Variants in CGGBP1 observed in about 807,000 individuals in gnomAD.
The protein encoded by CGGBP1 is CGG triplet repeat-binding protein 1.
A neutral mutation model predicts 11.4 loss-of-function variants in CGGBP1; 4 were observed. That is an observed-to-expected ratio of 0.35 (90% CI 0.17 to 0.80). The LOEUF (loss-of-function observed/expected upper bound fraction) is 0.80, where lower values mean the gene tolerates loss of function less well. CGGBP1 is among the 30% of genes least tolerant of loss of function. CGGBP1 has a pLI of 0.52. For synonymous variants in CGGBP1, 76 were observed against 74.1 expected (o/e 1.03, Z -0.13); for missense variants, 135 against 202.1 (o/e 0.67, Z 2.01).
chr3:88,138,854 A>C (rs1559735720), intron 2 of CGGBP1: 2 of 1,231,980 alleles, frequency 1.6e-6, no homozygotes, highest in African/African-American at 3.1e-5. Context: ...GGATTTGTGC[A>C]CTCTCAATAT....
intron 2 of CGGBP1, among the ~76,000 whole-genome samples, chr3:88,107,828 C>T (rs976391181): frequency 6.6e-6 from 1 of 151,948 alleles, no homozygotes; most frequent in South Asian, 2.1e-4. Flanking sequence ...ATAATTTTAT[C>T]TTGTTCTTTA....
In CGGBP1 at chr3:88,055,302, A is replaced by G. The variant is rs555127614; in HGVS notation, c.*171T>C. Reference sequence around the variant, plus strand: ...ATACCATTGGTGACTAAAATTAACAATAAGTTTTGCAGTGAGGTGGTTTTT... The same window carrying G: ...ATACCATTGGTGACTAAAATTAACAGTAAGTTTTGCAGTGAGGTGGTTTTT... On this transcript the variant is annotated 3_prime_UTR_variant, in exon 4 of 4. Transcript: ENST00000482016. The surrounding 1 kb of genome is among the most constrained non-coding windows in gnomAD (Gnocchi z 4.2). 152 of 536,974 alleles carry G rather than the reference A, an allele frequency of 2.8e-4. No homozygotes were observed. The South Asian group carries it at 3.4e-3, about 12-fold the overall frequency. 33.3% of individuals were successfully genotyped at this position (536,974 alleles called of 1,614,324 possible).
At chr3:88,106,844 C>T (rs1307500186) in intron 2 of CGGBP1, among the ~76,000 whole-genome samples, 2 of 152,040 alleles carry the variant, frequency 1.3e-5, no homozygotes, top group East Asian at 3.9e-4. Flanking sequence ...TAATTTTTAA[C>T]ATTTGGCTGT....
intron 2 of CGGBP1, among the ~76,000 whole-genome samples, chr3:88,090,472 A>ATG (rs1167013138): frequency 6.6e-6 from 1 of 152,194 alleles, no homozygotes; most frequent in Non-Finnish European, 1.5e-5. Flanking sequence ...AGCTGTACAA[A>ATG]TGTGTTTGTG....
chr3:88,139,233 G>C, intron 2 of CGGBP1: 2 of 1,502,576 alleles, frequency 1.3e-6, no homozygotes, highest in South Asian at 2.8e-5. Context: ...GCAGCCTAAA[G>C]GTCATATTAA....
Position 88,055,710 on chromosome 3 carries a change from A to G in CGGBP1, c.267T>C (p.Ser89=), listed in dbSNP as rs757831800. Residue 89 remains serine (S), a synonymous_variant, in exon 4 of 4, where the codon TCT becomes TCC. Coordinates refer to ENST00000482016, the MANE Select transcript of CGGBP1 (RefSeq NM_001008390.2). The surrounding 1 kb of genome is among the most constrained non-coding windows in gnomAD (Gnocchi z 4.2). The part of the protein sequence containing the change: ...VRKKQRPLTA[S]LQCNSTAQTE... ...TTTGCGCAGTACTGTTGCACTGAAG[A>G]GATGCAGTTAGGGGCCTCTGCTTCT... 11 of 1,614,074 alleles carry G rather than the reference A, an allele frequency of 6.8e-6. No individual in the cohort carries two copies. In the African/African-American group the frequency reaches 1.2e-4, roughly 18 times the overall value.
At chr3:88,113,201 A>G (rs1705196907) in intron 2 of CGGBP1, 2 of 1,522,634 alleles carry the variant, frequency 1.3e-6, no homozygotes, top group Non-Finnish European at 1.8e-6. Context: ...TTCCAGGTAA[A>G]AAACAGTTTA....
At chr3:88,108,641 A>G (rs1322514083) in intron 2 of CGGBP1, among the ~76,000 whole-genome samples, 3 of 152,176 alleles carry the variant, frequency 2.0e-5, no homozygotes, top group Non-Finnish European at 1.5e-5. Context: ...CTACCTGCCC[A>G]TTAGTCATTT....
At chr3:88,135,272 G>A (rs1451126318) in intron 2 of CGGBP1, 1 of 1,229,168 alleles carries the variant, frequency 8.1e-7, no homozygotes, top group Non-Finnish European at 1.1e-6. Flanking sequence ...AATCTCTTTT[G>A]ATAAAATTTA....
intron 2 of CGGBP1, among the ~76,000 whole-genome samples, chr3:88,067,886 C>CTT (rs76481798): frequency 7.2e-6 from 1 of 139,628 alleles, no homozygotes; most frequent in Non-Finnish European, 1.6e-5. Flanking sequence ...TCTTTTCTTT[C>CTT]TTTTTTTTTT....
At chr3:88,115,948 A>G (rs1249641951) in intron 2 of CGGBP1, among the ~76,000 whole-genome samples, 4 of 152,318 alleles carry the variant, frequency 2.6e-5, no homozygotes, top group East Asian at 3.9e-4. Context: ...AGATTGACAG[A>G]TGGGCCAAAC....
chr3:88,065,818 C>G (rs562157709), intron 2 of CGGBP1, among the ~76,000 whole-genome samples: 1 of 152,086 alleles, frequency 6.6e-6, no homozygotes, highest in African/African-American at 2.4e-5. Flanking sequence ...CCTCCCTGTC[C>G]GGGGCTAAAG....
chr3:88,064,353 A>G (rs114301964), intron 2 of CGGBP1, among the ~76,000 whole-genome samples: 85 of 152,222 alleles, frequency 5.6e-4, no homozygotes, highest in African/African-American at 1.8e-3. Flanking sequence ...CATGTTCACT[A>G]TGTACACTTT....
chr3:88,061,862 A>G (rs1251548143), upstream of CGGBP1, among the ~76,000 whole-genome samples: 9 of 152,186 alleles, frequency 5.9e-5, no homozygotes, highest in East Asian at 1.7e-3. Flanking sequence ...CAGTTGGGGT[A>G]TGTGACAGTT....
chr3:88,105,139 A>C (rs1475229285), intron 2 of CGGBP1, among the ~76,000 whole-genome samples: 2 of 152,232 alleles, frequency 1.3e-5, no homozygotes, highest in Non-Finnish European at 2.9e-5. Context: ...ACTCCATCTC[A>C]GAAAACAAAC....
At chr3:88,145,487 T>C (rs533490419) in intron 1 of CGGBP1, among the ~76,000 whole-genome samples, 2 of 152,254 alleles carry the variant, frequency 1.3e-5, no homozygotes, top group South Asian at 4.1e-4. Context: ...AAATAATGAA[T>C]GTAGTGAGGT....
intron 2 of CGGBP1, 100 bp from the exon 3 acceptor site, chr3:88,057,392 G>C (rs1213192478): frequency 6.6e-6 from 1 of 150,730 alleles, no homozygotes; most frequent in Non-Finnish European, 1.5e-5. Context: ...TATTGTGTTA[G>C]GCTACAGGTT....
intron 2 of CGGBP1, among the ~76,000 whole-genome samples, chr3:88,066,037 G>T (rs1707179487): frequency 6.6e-6 from 1 of 152,200 alleles, no homozygotes; most frequent in African/African-American, 2.4e-5. Context: ...CCTAGCCCTA[G>T]ATTGGTTATT....
chr3:88,129,363 T>TCTTGC (rs916786956), intron 2 of CGGBP1, among the ~76,000 whole-genome samples: 5 of 146,658 alleles, frequency 3.4e-5, no homozygotes, highest in African/African-American at 1.3e-4. Context: ...AGCATTATGA[T>TCTTGC]CTTGCCTTGA....
Sources: gnomAD v4.1 joint callset for allele counts (sites outside exome capture counted in the v4.1 genomes callset) on GRCh38, gnomAD v4.1.1 for gene constraint, Gnocchi (gnomAD v3.1) non-coding constraint, MANE v1.5 for transcripts, NCBI Gene and HGNC (gene_info 2026-07-23, HGNC 2026-07-21) for gene names.